Variants in PMFBP1 observed in about 807,000 individuals in gnomAD.
The protein encoded by PMFBP1 is polyamine modulated factor 1 binding protein 1.
Under a neutral mutation model 137.8 loss-of-function variants are expected in PMFBP1, and 131 were observed. The observed-to-expected ratio is 0.95, with a 90% CI of 0.82 to 1.10. The LOEUF (loss-of-function observed/expected upper bound fraction) is 1.10, where lower values mean the gene tolerates loss of function less well. Among genes scored for constraint, PMFBP1 ranks in the 50% least tolerant of loss-of-function variants. The probability of loss-of-function intolerance (pLI) is 0.00; values close to 1 mark genes in which losing one functional copy is unlikely to be tolerated. For missense variants in PMFBP1, 1,199 were observed against 1,175.4 expected, an observed-to-expected ratio of 1.02 and a Z score of -0.29; for synonymous variants, 490 against 450.4, an observed-to-expected ratio of 1.09 and a Z score of -1.11.
At chr16:72,190,703 A>G in the PMFBP1 span, among the ~76,000 whole-genome samples, 1 of 152,128 alleles carries the variant, frequency 6.6e-6, no homozygotes, top group African/African-American at 2.4e-5. Flanking sequence ...GAGGCAGACC[A>G]GATGAAGAAG....
At chr16:72,120,169 G>A (rs571178495) in intron 19 of PMFBP1, 80 bp from the exon 20 acceptor site, 9 of 1,601,240 alleles carry the variant, frequency 5.6e-6, no homozygotes, top group Admixed American at 1.7e-5. Flanking sequence ...ACAGATAAAG[G>A]TGTCACAGGG....
chr16:72,117,341 G>A (rs1320865070), downstream of PMFBP1, among the ~76,000 whole-genome samples: 1 of 151,876 alleles, frequency 6.6e-6, no homozygotes, highest in East Asian at 1.9e-4. Context: ...ACTCATTTTT[G>A]TGTGTTGACT....
the PMFBP1 span, among the ~76,000 whole-genome samples, chr16:72,212,664 G>T: frequency 1.3e-5 from 2 of 152,090 alleles, no homozygotes; most frequent in Non-Finnish European, 1.5e-5. Context: ...AATTATCAAA[G>T]AAAATATACA....
upstream of PMFBP1, among the ~76,000 whole-genome samples, chr16:72,175,033 AC>A (rs1281912898): frequency 6.6e-6 from 1 of 152,112 alleles, no homozygotes; most frequent in Non-Finnish European, 1.5e-5. Context: ...ATACACACAC[AC>A]CACATGAGAG....
At chr16:72,246,459 T>C in the PMFBP1 span, among the ~76,000 whole-genome samples, 3 of 152,056 alleles carry the variant, frequency 2.0e-5, no homozygotes, top group Non-Finnish European at 2.9e-5. Context: ...ACATAGGTCC[T>C]TTGTGATCTG....
chr16:72,191,240 G>A, the PMFBP1 span, among the ~76,000 whole-genome samples: 1 of 152,164 alleles, frequency 6.6e-6, no homozygotes, highest in Non-Finnish European at 1.5e-5. Context: ...TGTTTCGGAA[G>A]CGCAGGGTAT....
chr16:72,206,835 T>G, the PMFBP1 span, among the ~76,000 whole-genome samples: 1 of 152,248 alleles, frequency 6.6e-6, no homozygotes, highest in African/African-American at 2.4e-5. Context: ...GTGAACTTCA[T>G]GTGAATCATG....
rs1256410093 is a variant in PMFBP1 at position 72,143,107 on chromosome 16, T to C, written c.637-2525A>G. Among the ~76,000 whole-genome samples the C allele has an allele frequency of 3.3e-5, 5 of 152,368 alleles. No individual in the cohort carries two copies. In the East Asian group the frequency reaches 9.6e-4, roughly 29 times the overall value. ...ATGGATAGATGCTAATAAAAACATCTGATAAAATTCAACATTCATTCCTAA... is the reference window on the plus strand; with the variant it reads ...ATGGATAGATGCTAATAAAAACATCCGATAAAATTCAACATTCATTCCTAA... On this transcript the variant is annotated intron_variant, in intron 5 of 20. Transcript: ENST00000237353.
intron 4 of PMFBP1, 81 bp from the exon 5 acceptor site, chr16:72,150,910 G>A (rs1195593415): frequency 8.1e-7 from 1 of 1,231,952 alleles, no homozygotes; most frequent in Non-Finnish European, 1.2e-6. Flanking sequence ...ATTCCCTGCA[G>A]AGAAGTCTTG....
chr16:72,117,484 C>A (rs1193417813), downstream of PMFBP1, among the ~76,000 whole-genome samples: 1 of 152,102 alleles, frequency 6.6e-6, no homozygotes, highest in Non-Finnish European at 1.5e-5. Flanking sequence ...TTCTTCCTTT[C>A]CAGTTTGAAT....
chr16:72,149,470 C>T (rs988208326), intron 5 of PMFBP1, among the ~76,000 whole-genome samples: 10 of 152,086 alleles, frequency 6.6e-5, no homozygotes, highest in African/African-American at 2.4e-4. Flanking sequence ...AAAAACAGGT[C>T]AATAGGTAGT....
chr16:72,173,296 G>A (rs904381655), upstream of PMFBP1, among the ~76,000 whole-genome samples: 1 of 152,140 alleles, frequency 6.6e-6, no homozygotes, highest in Non-Finnish European at 1.5e-5. Context: ...AGTTGTAATG[G>A]AACAAATGTA....
the PMFBP1 span, among the ~76,000 whole-genome samples, chr16:72,216,440 C>T: frequency 6.6e-6 from 1 of 152,004 alleles, no homozygotes; most frequent in African/African-American, 2.4e-5. Flanking sequence ...ACAAGGACAC[C>T]ATCAGCAGCA....
chr16:72,201,543 C>T, the PMFBP1 span, among the ~76,000 whole-genome samples: 2 of 152,318 alleles, frequency 1.3e-5, no homozygotes, highest in Non-Finnish European at 2.9e-5. Context: ...ATGGGGAACA[C>T]TTTCCCAGGT....
chr16:72,195,220 A>G, the PMFBP1 span, among the ~76,000 whole-genome samples: 1 of 152,170 alleles, frequency 6.6e-6, no homozygotes, highest in Non-Finnish European at 1.5e-5. Flanking sequence ...GGACTCCTCA[A>G]TAGGTCATCT....
At chr16:72,178,389 C>T (rs2043265665), upstream of PMFBP1, among the ~76,000 whole-genome samples, 1 of 152,090 alleles carries the variant, frequency 6.6e-6, no homozygotes, top group Non-Finnish European at 1.5e-5. Context: ...TAAGAGTATA[C>T]AAATATCCTG....
At chr16:72,167,567 G>A (rs181493562) in intron 2 of PMFBP1, among the ~76,000 whole-genome samples, 13 of 152,242 alleles carry the variant, frequency 8.5e-5, no homozygotes, top group Admixed American at 5.2e-4. Context: ...TCCTTAACTC[G>A]ATGAAGAGTG....
At chr16:72,132,721 G>A (rs917766710) in intron 10 of PMFBP1, 27 bp downstream of exon 10, 1 of 1,613,902 alleles carries the variant, frequency 6.2e-7, no homozygotes, top group African/African-American at 1.3e-5. Context: ...GAAAAGTGTG[G>A]TGGGACAGCA....
At chr16:72,177,976 C>T (rs1385127088), upstream of PMFBP1, among the ~76,000 whole-genome samples, 1 of 152,082 alleles carries the variant, frequency 6.6e-6, no homozygotes, top group Non-Finnish European at 1.5e-5. Context: ...ACTGCAGCCT[C>T]GACTTCCCAG....
Sources: gnomAD v4.1 joint callset for allele counts (sites outside exome capture counted in the v4.1 genomes callset) on GRCh38, gnomAD v4.1.1 for gene constraint, MANE v1.5 for transcripts, NCBI Gene and HGNC (gene_info 2026-07-23, HGNC 2026-07-21) for gene names.